Variants in MTDH observed in about 807,000 individuals in gnomAD.
MTDH encodes the protein protein LYRIC.
In MTDH, 34 loss-of-function variants were observed where a neutral mutation model predicts 72.7. The ratio of observed to expected loss-of-function variants is 0.47; its 90% CI spans 0.36 to 0.62. The LOEUF (loss-of-function observed/expected upper bound fraction) is 0.62. MTDH is among the 20% of genes least tolerant of loss of function. MTDH has a pLI of 0.00. For synonymous variants in MTDH, 266 were observed against 268.9 expected (o/e 0.99, Z 0.10); for missense variants, 677 against 699.4 (o/e 0.97, Z 0.36).
chr8:97,715,116 A>G (rs1175292525), intron 9 of MTDH, among the ~76,000 whole-genome samples: 1 of 149,852 alleles, frequency 6.7e-6, no homozygotes, highest in Non-Finnish European at 1.5e-5. Context: ...GTGAACCACC[A>G]CGCCCAGCCT....
At chr8:97,708,825 C>A (rs1040467248) in intron 8 of MTDH, among the ~76,000 whole-genome samples, 1 of 151,664 alleles carries the variant, frequency 6.6e-6, no homozygotes, top group Admixed American at 6.6e-5. Flanking sequence ...GTCTCAAACT[C>A]CTGACCTCAA....
At chr8:97,667,143 A>G (rs1283327990) in intron 2 of MTDH, among the ~76,000 whole-genome samples, 2 of 152,080 alleles carry the variant, frequency 1.3e-5, no homozygotes, top group Admixed American at 1.3e-4. Context: ...GATGCACACT[A>G]CCATGTGCCC....
intron 1 of MTDH, among the ~76,000 whole-genome samples, chr8:97,656,837 TAAA>T (rs2130924048): frequency 6.6e-6 from 1 of 151,746 alleles, no homozygotes; most frequent in South Asian, 2.1e-4. Flanking sequence ...CGCTCTCTAC[TAAA>T]AATACAAAAA....
intron 1 of MTDH, among the ~76,000 whole-genome samples, chr8:97,651,928 T>C (rs1297838812): frequency 2.0e-5 from 3 of 152,222 alleles, no homozygotes; most frequent in East Asian, 1.9e-4. Flanking sequence ...AAGCCAAAAA[T>C]AGAAGAATCA....
chr8:97,698,857 T>C (rs944473058), intron 6 of MTDH, among the ~76,000 whole-genome samples: 19 of 152,210 alleles, frequency 1.2e-4, no homozygotes, highest in African/African-American at 4.6e-4. Flanking sequence ...TCTTGAAATT[T>C]GTAGGCAGGG....
chr8:97,689,929 G>A (rs906932442), intron 5 of MTDH, among the ~76,000 whole-genome samples: 21 of 150,360 alleles, frequency 1.4e-4, no homozygotes, highest in African/African-American at 4.9e-4. Flanking sequence ...GGCTGGTCTC[G>A]AACTCCTGAC....
At chr8:97,665,019 C>T (rs557089166) in intron 2 of MTDH, among the ~76,000 whole-genome samples, 8 of 152,354 alleles carry the variant, frequency 5.3e-5, no homozygotes, top group Non-Finnish European at 8.8e-5. Context: ...GCCTCGGCCT[C>T]CTAAAGTGCT....
chr8:97,673,168 C>A (rs530939605), intron 2 of MTDH, among the ~76,000 whole-genome samples: 5 of 152,050 alleles, frequency 3.3e-5, no homozygotes, highest in Non-Finnish European at 7.3e-5. Context: ...GAAACTTAGT[C>A]GGGAAAACAA....
At chr8:97,654,400 A>C (rs78352034) in intron 1 of MTDH, among the ~76,000 whole-genome samples, 2,746 of 152,320 alleles carry the variant, frequency 0.018, 42 homozygotes, top group African/African-American at 0.037. Context: ...AACTAAAACA[A>C]ACTTACCAAA....
At chr8:97,697,150 A>ATTTTTTTTTTT (rs59102217) in intron 6 of MTDH, among the ~76,000 whole-genome samples, 42 of 68,516 alleles carry the variant, frequency 6.1e-4, no homozygotes, top group East Asian at 2.0e-3. Flanking sequence ...ATATATATAT[A>ATTTTTTTTTTT]TTTTTTTTTT....
At chr8:97,721,366 C>A (rs1055275949) in intron 10 of MTDH, among the ~76,000 whole-genome samples, 3 of 151,994 alleles carry the variant, frequency 2.0e-5, no homozygotes, top group African/African-American at 7.3e-5. Flanking sequence ...TCATGTGAGC[C>A]CAGGAGGCAG....
chr8:97,687,278 G>A, intron 3 of MTDH, 151 bp from the exon 4 acceptor site: 1 of 506,318 alleles, frequency 2.0e-6, no homozygotes, highest in East Asian at 3.4e-5. Flanking sequence ...ACATTCTTAG[G>A]ATGAGTTAAT....
chr8:97,663,748 CAA>C (rs36101443), intron 2 of MTDH, among the ~76,000 whole-genome samples: 965 of 85,958 alleles, frequency 0.011, 6 homozygotes, highest in African/African-American at 0.036. Flanking sequence ...GACTCTGTCT[CAA>C]AAAAAAAAAA....
intron 6 of MTDH, among the ~76,000 whole-genome samples, chr8:97,697,143 TATA>T (rs1197311235): frequency 1.4e-5 from 1 of 74,068 alleles, no homozygotes; most frequent in African/African-American, 9.4e-5. Flanking sequence ...TATATATATA[TATA>T]TATATTTTTT....
rs560069674 is a variant in MTDH at position 97,694,417 on chromosome 8, G to A, written c.1048+3229G>A. The stretch of plus-strand genomic sequence containing the variant: ...TCTCCATGTTGGTCAGGCTGGTCTC[G>A]AACTCCCAGTCTCAGGTGATCCACC... On this transcript the variant is annotated intron_variant, in intron 6 of 11. Coordinates refer to ENST00000336273, the MANE Select transcript of MTDH (RefSeq NM_178812.4). Among the ~76,000 whole-genome samples, 26 of 151,932 alleles carry A rather than the reference G, an allele frequency of 1.7e-4. No homozygotes were observed. In the East Asian group the frequency reaches 1.9e-3, roughly 11 times the overall value.
At chr8:97,714,764 A>G (rs1342779505) in intron 9 of MTDH, among the ~76,000 whole-genome samples, 1 of 152,140 alleles carries the variant, frequency 6.6e-6, no homozygotes, top group Non-Finnish European at 1.5e-5. Context: ...GGAGACAGGG[A>G]ACCGCAATTT....
chr8:97,705,694 A>G (rs1814322720), intron 7 of MTDH, among the ~76,000 whole-genome samples: 1 of 152,220 alleles, frequency 6.6e-6, no homozygotes, highest in South Asian at 2.1e-4. Context: ...CATTGTTGGG[A>G]CAACTTGTTA....
chr8:97,707,556 C>T lies in MTDH; in HGVS notation c.1272+806C>T, dbSNP rs559493193. Among the ~76,000 whole-genome samples, 168 of 149,342 alleles carry T rather than the reference C, an allele frequency of 1.1e-3. 1 individual carries two copies. The highest frequency in any genetic ancestry group is 3.9e-3 in the African/African-American group (157 of 40,188). On this transcript the variant is annotated intron_variant, in intron 8 of 11. Coordinates refer to ENST00000336273, the MANE Select transcript of MTDH (RefSeq NM_178812.4). The stretch of plus-strand genomic sequence containing the variant: ...GTGCTGGGATTACATGTGTAAGCCA[C>T]TGTGTCTGGCCTGCACAGTCTTTAT...
In MTDH at chr8:97,723,055, TG is replaced by T. The variant is rs751921897; in HGVS notation, c.1678+21del. On this transcript the variant is annotated intron_variant, in intron 11 of 11. Transcript: ENST00000336273. ...CACAGAGTAAGTAATCCTCATTTTT[TG>T]TTCCTTTGTACTGTTTACATTTTTC... The T allele has an allele frequency of 1.2e-6, 2 of 1,610,834 alleles. No homozygotes were observed. The highest frequency in any genetic ancestry group is 2.7e-5 in the African/African-American group (2 of 74,760).
Sources: gnomAD v4.1 joint callset for allele counts (sites outside exome capture counted in the v4.1 genomes callset) on GRCh38, gnomAD v4.1.1 for gene constraint, MANE v1.5 for transcripts, NCBI Gene and HGNC (gene_info 2026-07-23, HGNC 2026-07-21) for gene names.